Variants in PDE8B observed in about 807,000 individuals in gnomAD.
PDE8B encodes the protein phosphodiesterase 8B.
A neutral mutation model predicts 101.3 loss-of-function variants in PDE8B; 26 were observed. The observed-to-expected ratio is 0.26, with a 90% confidence interval of 0.19 to 0.36. The LOEUF (loss-of-function observed/expected upper bound fraction) is 0.36, where lower values mean the gene tolerates loss of function less well. Among genes scored for constraint, PDE8B ranks in the 10% least tolerant of loss-of-function variants. The pLI, the probability that PDE8B is intolerant of heterozygous loss-of-function variation, is 1.00. For missense variants in PDE8B, 810 were observed against 1,163.1 expected, an observed-to-expected ratio of 0.70 and a Z score of 4.42; for synonymous variants, 424 against 429.3, an observed-to-expected ratio of 0.99 and a Z score of 0.15.
intron 19 of PDE8B, among the ~76,000 whole-genome samples, chr5:77,420,789 A>G (rs1039622827): frequency 1.8e-4 from 27 of 152,200 alleles, no homozygotes; most frequent in African/African-American, 6.3e-4. Context: ...TAGAACTAGG[A>G]AGGTCATCCA....
chr5:77,201,714 A>G, the PDE8B span, among the ~76,000 whole-genome samples: 1 of 152,046 alleles, frequency 6.6e-6, no homozygotes, highest in Non-Finnish European at 1.5e-5. Flanking sequence ...GATCCTAAGG[A>G]TTCGTTTTCA....
the PDE8B span, among the ~76,000 whole-genome samples, chr5:77,175,178 C>G: frequency 1.3e-5 from 2 of 152,198 alleles, no homozygotes; most frequent in Non-Finnish European, 2.9e-5. Context: ...CTGCCTTCTG[C>G]CTAGTAACCC....
At position 77,421,913 on chromosome 5, in the gene PDE8B, C is replaced by T. The variant is rs558853134; in HGVS notation, c.2343C>T (p.Asp781=). The part of the protein sequence containing the change: ...LIKRMMIKCA[D]VANPCRPLDL... ...AACGCATGATGATTAAGTGTGCTGA[C>T]GTGGCCAACCCATGCCGCCCCTTGG... is the stretch of plus-strand genomic sequence containing the variant. The change falls in exon 20 of 22, where the codon GAC becomes GAT. Residue 781 remains aspartate, a synonymous_variant. Coordinates refer to ENST00000264917, the MANE Select transcript of PDE8B (RefSeq NM_003719.5). The T allele has an allele frequency of 3.5e-5, 56 of 1,614,120 alleles. No homozygotes were observed. The highest frequency in any genetic ancestry group is 1.1e-4 in the East Asian group (5 of 44,884).
chr5:77,361,736 G>A (rs891136194), intron 10 of PDE8B, among the ~76,000 whole-genome samples: 2 of 151,956 alleles, frequency 1.3e-5, no homozygotes, highest in Non-Finnish European at 2.9e-5. Context: ...GGATGGTCTC[G>A]ATCTCCTGAC....
intron 6 of PDE8B, among the ~76,000 whole-genome samples, chr5:77,344,181 T>TAA (rs1779739690): frequency 6.6e-6 from 1 of 152,244 alleles, no homozygotes; most frequent in Non-Finnish European, 1.5e-5. Context: ...TAAACCAGTA[T>TAA]CCTAGTTATA....
intron 9 of PDE8B, among the ~76,000 whole-genome samples, chr5:77,351,415 G>T (rs537893630): frequency 6.6e-6 from 1 of 152,236 alleles, no homozygotes; most frequent in South Asian, 2.1e-4. Flanking sequence ...TGCTCTAAAG[G>T]GGCTTGATTT....
intron 1 of PDE8B, among the ~76,000 whole-genome samples, chr5:77,281,434 A>G (rs2149850261): frequency 6.6e-6 from 1 of 152,306 alleles, no homozygotes; most frequent in East Asian, 1.9e-4. Context: ...ATCTTATGGG[A>G]TAAAACCAAG....
At chr5:77,265,874 A>C (rs1245459638) in intron 1 of PDE8B, among the ~76,000 whole-genome samples, 1 of 152,244 alleles carries the variant, frequency 6.6e-6, no homozygotes, top group Non-Finnish European at 1.5e-5. Context: ...GTCCTTGATC[A>C]AGATGTGTAG....
At chr5:77,271,707 G>T (rs559985457) in intron 1 of PDE8B, among the ~76,000 whole-genome samples, 31 of 152,282 alleles carry the variant, frequency 2.0e-4, no homozygotes, top group Middle Eastern at 3.4e-3. Flanking sequence ...CACAGAGGGA[G>T]CTCTGGCTGG....
At chr5:77,399,275 C>T (rs1032660121) in intron 10 of PDE8B, among the ~76,000 whole-genome samples, 2 of 152,180 alleles carry the variant, frequency 1.3e-5, no homozygotes, top group Admixed American at 6.5e-5. Flanking sequence ...GGAGGCCATC[C>T]CGGAACTGGG....
intron 1 of PDE8B, among the ~76,000 whole-genome samples, chr5:77,262,428 C>T (rs765628121): frequency 3.3e-5 from 5 of 152,200 alleles, no homozygotes; most frequent in African/African-American, 7.2e-5. Flanking sequence ...ATGTCCCTCT[C>T]GCTTTGTACC....
the PDE8B span, among the ~76,000 whole-genome samples, chr5:77,169,406 G>A: frequency 6.6e-6 from 1 of 152,298 alleles, no homozygotes; most frequent in Non-Finnish European, 1.5e-5. Context: ...CAGGTTTCAA[G>A]GGCTGACCCC....
At chr5:77,188,145 T>C in the PDE8B span, among the ~76,000 whole-genome samples, 7 of 152,308 alleles carry the variant, frequency 4.6e-5, no homozygotes, top group Non-Finnish European at 7.4e-5. Flanking sequence ...CTCAGAGAGC[T>C]TTTAATTAAA....
At chr5:77,378,179 G>GA (rs1786656566) in intron 10 of PDE8B, among the ~76,000 whole-genome samples, 1 of 152,054 alleles carries the variant, frequency 6.6e-6, no homozygotes. Flanking sequence ...TGTAGGTACT[G>GA]GCCGGGCACG....
chr5:77,349,874 T>C (rs56409020), intron 8 of PDE8B, among the ~76,000 whole-genome samples: 2 of 152,158 alleles, frequency 1.3e-5, no homozygotes, highest in African/African-American at 4.8e-5. Flanking sequence ...AGCTGTTGTG[T>C]TTTTTCAGTT....
chr5:77,118,207 A>G, the PDE8B span: 119 of 389,220 alleles, frequency 3.1e-4, no homozygotes, highest in African/African-American at 1.4e-3. Flanking sequence ...TCAGCCTCCC[A>G]AAGTGCTGGG....
At chr5:77,212,979 T>C (rs1748827717) in intron 1 of PDE8B, among the ~76,000 whole-genome samples, 1 of 152,234 alleles carries the variant, frequency 6.6e-6, no homozygotes, top group Non-Finnish European at 1.5e-5. Context: ...CTAGAATATC[T>C]ATAATCTCAG....
the PDE8B span, among the ~76,000 whole-genome samples, chr5:77,197,627 C>T: frequency 0.41 from 62,288 of 151,094 alleles, 13,559 homozygotes; most frequent in African/African-American, 0.54. Flanking sequence ...TCATTTTTAT[C>T]GTGTCTCTTT....
At chr5:77,088,487 G>A in the PDE8B span, 4 of 151,248 alleles carry the variant, frequency 2.6e-5, 1 homozygote, top group Non-Finnish European at 5.9e-5. Context: ...GTGCCGGGGT[G>A]GGGGCGGGGG....
Sources: allele counts gnomAD v4.1 joint callset (sites outside exome capture counted in the v4.1 genomes callset), GRCh38; gene constraint gnomAD v4.1.1; transcripts MANE v1.5; gene names NCBI Gene and HGNC (gene_info 2026-07-23, HGNC 2026-07-21).